SLCO3A1: variants seen among roughly 807,000 people sequenced by gnomAD.
The protein encoded by SLCO3A1 is PGE1 transporter.
A neutral mutation model predicts 63.1 loss-of-function variants in SLCO3A1; 27 were observed. The ratio of observed to expected loss-of-function variants is 0.43; its 90% CI spans 0.32 to 0.59. The LOEUF is 0.59. Ranked by LOEUF, SLCO3A1 falls within the 20% of genes least tolerant of loss-of-function variation. The pLI is 0.09. For missense variants in SLCO3A1, 773 were observed against 945.8 expected (o/e 0.82, Z 2.40); for synonymous variants, 473 against 409.9 (o/e 1.15, Z -1.86).
chr15:91,945,361 C>T lies in SLCO3A1; in HGVS notation c.646+28903C>T, dbSNP rs531144780. On this transcript the variant is annotated intron_variant, in intron 2 of 9. Coordinates refer to ENST00000318445, the MANE Select transcript of SLCO3A1 (RefSeq NM_013272.4). ...CATCTCAAAAAAAAAAAAAAAATTA[C>T]GTGGCTGGCACTGGATTCTGTACTG... is the stretch of plus-strand genomic sequence containing the variant. 9.7e-4 allele frequency among the ~76,000 whole-genome samples: 139 copies of T among 143,794 alleles called. 1 individual carries two copies. The highest frequency in any genetic ancestry group is 3.4e-4 in the Admixed American group (5 of 14,526). The allele number at this position is 143,794 out of a possible 152,430, so 94.3% of individuals were successfully genotyped here.
At chr15:92,027,127 G>C (rs1325814552) in intron 2 of SLCO3A1, among the ~76,000 whole-genome samples, 2 of 151,580 alleles carry the variant, frequency 1.3e-5, no homozygotes, top group East Asian at 3.9e-4. Context: ...TTATTAAACA[G>C]ATGGTGAGCT....
intron 9 of SLCO3A1, among the ~76,000 whole-genome samples, chr15:92,156,473 T>TA (rs1331027609): frequency 6.6e-6 from 1 of 152,236 alleles, no homozygotes; most frequent in African/African-American, 2.4e-5. Context: ...CTCTTGAGCC[T>TA]AGCTCTGCCT....
At chr15:91,922,687 T>G (rs921065995) in intron 2 of SLCO3A1, among the ~76,000 whole-genome samples, 9 of 152,230 alleles carry the variant, frequency 5.9e-5, no homozygotes, top group Admixed American at 2.0e-4. Flanking sequence ...AAAAAATAAT[T>G]AAAAAGCCAT....
At position 91,925,351 on chromosome 15, in the gene SLCO3A1, G is replaced by A. The variant is rs927915838; in HGVS notation, c.646+8893G>A. 2.0e-5 allele frequency among the ~76,000 whole-genome samples: 3 copies of A among 152,160 alleles called. No individual in the cohort carries two copies. In the East Asian group the frequency reaches 5.8e-4, roughly 29 times the overall value. On this transcript the variant is annotated intron_variant, in intron 2 of 9. Coordinates refer to ENST00000318445, the MANE Select transcript of SLCO3A1 (RefSeq NM_013272.4). ...TGCTATTGTTAACACTGGGATTTGA[G>A]GTTCATGGTCTTCCTCCTTAGTGGG...
In SLCO3A1 at chr15:91,857,643, A is replaced by G. The variant is rs138157888; in HGVS notation, c.180+3555A>G. On this transcript the variant is annotated intron_variant, in intron 1 of 9. Transcript: ENST00000318445. ...ATGAGAACTGCATGGGGAGAAAGTCATTTTGTGTGTGCCTATTGGTGTTTT... is the reference window on the plus strand; with the variant it reads ...ATGAGAACTGCATGGGGAGAAAGTCGTTTTGTGTGTGCCTATTGGTGTTTT... Among the ~76,000 whole-genome samples, 572 of 152,278 alleles carry G rather than the reference A, an allele frequency of 3.8e-3. 4 individuals are homozygous for G. Among genetic ancestry groups the G allele is most frequent in the African/African-American group, 0.013 (551 of 41,554 alleles).
At chr15:92,169,389 A>T (rs1156924645), downstream of SLCO3A1, among the ~76,000 whole-genome samples, 1 of 152,182 alleles carries the variant, frequency 6.6e-6, no homozygotes, top group Non-Finnish European at 1.5e-5. Context: ...CCACCTTTAG[A>T]CACTGATCAA....
At chr15:92,126,512 C>T (rs756266741) in intron 6 of SLCO3A1, among the ~76,000 whole-genome samples, 3 of 151,988 alleles carry the variant, frequency 2.0e-5, no homozygotes, top group East Asian at 1.9e-4. Flanking sequence ...ACTCACATCG[C>T]GATTTTTGGC....
intron 7 of SLCO3A1, among the ~76,000 whole-genome samples, chr15:92,138,230 G>C (rs2048084061): frequency 9.9e-6 from 1 of 101,050 alleles, no homozygotes; most frequent in African/African-American, 5.5e-5. Flanking sequence ...ATTAAATAGG[G>C]AATCCTTTCC....
chr15:92,088,884 T>C (rs2047436956), intron 2 of SLCO3A1, among the ~76,000 whole-genome samples: 1 of 152,170 alleles, frequency 6.6e-6, no homozygotes, highest in African/African-American at 2.4e-5. Context: ...TTCCTCTTGG[T>C]CGCTTAAGGT....
chr15:92,155,602 T>C (rs1278734043), intron 9 of SLCO3A1, among the ~76,000 whole-genome samples: 1 of 150,528 alleles, frequency 6.6e-6, no homozygotes, highest in Non-Finnish European at 1.5e-5. Context: ...GAGCAGGGCA[T>C]GAGGTTTAGC....
intron 4 of SLCO3A1, among the ~76,000 whole-genome samples, chr15:92,107,365 G>A (rs916826435): frequency 6.6e-6 from 1 of 152,148 alleles, no homozygotes; most frequent in African/African-American, 2.4e-5. Context: ...CATGAAGTGG[G>A]GCCACAGTCG....
chr15:91,892,218 G>A (rs1897888537), intron 1 of SLCO3A1, among the ~76,000 whole-genome samples: 1 of 152,172 alleles, frequency 6.6e-6, no homozygotes, highest in African/African-American at 2.4e-5. Flanking sequence ...GAAGATGATG[G>A]TTCTTGAATT....
rs554978074 is a variant in SLCO3A1, at chr15:92,080,988, G to T, written c.647-13893G>T. 1.2e-3 allele frequency among the ~76,000 whole-genome samples: 177 copies of T among 148,112 alleles called. 1 individual carries two copies. Among genetic ancestry groups the T allele is most frequent in the African/African-American group, 4.3e-3 (172 of 40,360 alleles). On this transcript the variant is annotated intron_variant, in intron 2 of 9. Transcript: ENST00000318445. ...TGTGTGTGTGTGTGTGTGTGTGTAT[G>T]GGGTACGTGAGATTTTTTGACACAG...
intron 2 of SLCO3A1, among the ~76,000 whole-genome samples, chr15:92,046,646 GGTA>G (rs1332701327): frequency 1.3e-5 from 2 of 152,010 alleles, no homozygotes; most frequent in Non-Finnish European, 2.9e-5. Flanking sequence ...CTGCAGTTTT[GGTA>G]GCCCCTGTAC....
chr15:91,894,654 G>A lies in SLCO3A1; in HGVS notation c.181-21339G>A, dbSNP rs1458785171. Among the ~76,000 whole-genome samples the A allele has an allele frequency of 5.9e-5, 9 of 152,204 alleles. No individual in the cohort carries two copies. Among genetic ancestry groups the A allele is most frequent in the Non-Finnish European group, 1.3e-4 (9 of 68,038 alleles). ...GCATTTTTGACTTGAATGTTCATAT[G>A]TACCACTGGGGATCTTGGTAAAATG... On this transcript the variant is annotated intron_variant, in intron 1 of 9. Coordinates refer to ENST00000318445, the MANE Select transcript of SLCO3A1 (RefSeq NM_013272.4). The surrounding 1 kb of genome is among the most constrained non-coding windows in gnomAD (Gnocchi z 4.8).
chr15:91,969,010 A>G (rs1395293984), intron 2 of SLCO3A1, among the ~76,000 whole-genome samples: 1 of 152,166 alleles, frequency 6.6e-6, no homozygotes, highest in Non-Finnish European at 1.5e-5. Flanking sequence ...ACAGGTCCAC[A>G]CTGTGTTTAG....
intron 1 of SLCO3A1, among the ~76,000 whole-genome samples, chr15:91,874,687 T>C (rs1897357322): frequency 6.6e-6 from 1 of 152,244 alleles, no homozygotes; most frequent in South Asian, 2.1e-4. Flanking sequence ...TTGTGAATAA[T>C]GCCGCTCCGA....
intron 2 of SLCO3A1, among the ~76,000 whole-genome samples, chr15:91,925,520 A>G (rs1898983445): frequency 7.1e-6 from 1 of 141,796 alleles, no homozygotes; most frequent in Admixed American, 7.3e-5. Flanking sequence ...CTCCCATCTT[A>G]GGTGGTTGCT....
intron 2 of SLCO3A1, among the ~76,000 whole-genome samples, chr15:92,027,847 T>C (rs1462255667): frequency 1.3e-5 from 2 of 152,238 alleles, no homozygotes; most frequent in African/African-American, 4.8e-5. Flanking sequence ...CATTGCAAAG[T>C]GCACAAGTCT....
Sources: allele counts gnomAD v4.1 joint callset (sites outside exome capture counted in the v4.1 genomes callset), GRCh38; gene constraint gnomAD v4.1.1; non-coding constraint Gnocchi (gnomAD v3.1); transcripts MANE v1.5; gene names NCBI Gene and HGNC (gene_info 2026-07-23, HGNC 2026-07-21).